The following EMC7 variants were observed in gnomAD, a reference collection of about 807,000 sequenced individuals.
The protein encoded by EMC7 is ER membrane protein complex subunit 7.
A neutral mutation model predicts 24.4 loss-of-function variants in EMC7; 4 were observed. The ratio of observed to expected loss-of-function variants is 0.16; its 90% CI spans 0.08 to 0.38. The LOEUF is 0.38. Among genes scored for constraint, EMC7 ranks in the 10% least tolerant of loss-of-function variants. EMC7 has a pLI of 1.00. For synonymous variants in EMC7, 106 were observed against 112.0 expected (o/e 0.95, Z 0.34); for missense variants, 221 against 300.6 (o/e 0.74, Z 1.96).
chr15:34,095,823 A>G, intron 2 of EMC7, 72 bp downstream of exon 2: 1 of 1,346,532 alleles, frequency 7.4e-7, no homozygotes, highest in Middle Eastern at 2.0e-4. Context: ...TAAACTATTA[A>G]TTCTAAAAGG....
intron 1 of EMC7, among the ~76,000 whole-genome samples, chr15:34,098,622 ATTTTTTT>A (rs34981831): frequency 7.8e-6 from 1 of 128,160 alleles, no homozygotes; most frequent in Non-Finnish European, 1.6e-5. Flanking sequence ...TGCCTGGCTG[ATTTTTTT>A]TTTTTTTTTT....
At chr15:34,094,214 G>C (rs1251165604) in intron 2 of EMC7, among the ~76,000 whole-genome samples, 1 of 141,548 alleles carries the variant, frequency 7.1e-6, no homozygotes, top group Non-Finnish European at 1.5e-5. Context: ...AGACCAGCCT[G>C]GCCAACATGG....
At position 34,101,778 on chromosome 15, in the gene EMC7, A is replaced by G. The variant is rs1188007414; in HGVS notation, c.62T>C (p.Val21Ala). ...AGCCCCGGGCACCTCCGAGCTCTGG[A>G]CATCCCCCGATAGCAGCAGCAGCAG... is the stretch of plus-strand genomic sequence containing the variant. ...VLLLLLLSGD[V>A]QSSEVPGAAA... The change falls in exon 1 of 5, where the codon GTC becomes GCC. Residue 21 changes from valine to alanine, a missense_variant. Val to Ala is a moderately conservative substitution (Grantham distance 64). This residue lies in a region of EMC7 where 156 missense variants were observed against 177.1 expected (regional missense o/e 0.88). Transcript: ENST00000256545. 1.2e-6 allele frequency: 2 copies of G among 1,613,300 alleles called. No individual in the cohort carries two copies. Among genetic ancestry groups the G allele is most frequent in the Non-Finnish European group, 1.7e-6 (2 of 1,179,928 alleles).
chr15:34,090,611 A>G (rs922970872), intron 2 of EMC7, among the ~76,000 whole-genome samples, 156 bp from the exon 3 acceptor site: 4 of 152,328 alleles, frequency 2.6e-5, no homozygotes, highest in African/African-American at 7.2e-5. Context: ...AATCTGACCA[A>G]AATAGCTTTA....
chr15:34,093,823 A>ATATATATTT (rs1190830993), intron 2 of EMC7, among the ~76,000 whole-genome samples: 1 of 48,712 alleles, frequency 2.1e-5, no homozygotes, highest in Non-Finnish European at 3.3e-5. Flanking sequence ...ATATATATAT[A>ATATATATTT]TTTTTTTTTT....
At chr15:34,100,177 C>CA (rs1901152370) in intron 1 of EMC7, among the ~76,000 whole-genome samples, 1 of 152,102 alleles carries the variant, frequency 6.6e-6, no homozygotes, top group Non-Finnish European at 1.5e-5. Flanking sequence ...CCTGTCTCTA[C>CA]AAAAAATTAA....
chr15:34,088,907 G>A (rs76350713), intron 3 of EMC7, among the ~76,000 whole-genome samples: 3,494 of 152,162 alleles, frequency 0.023, 94 homozygotes, highest in African/African-American at 0.059. Flanking sequence ...CCGGGCTGAA[G>A]TGTGGTGGTG....
At chr15:34,086,331 T>A (rs537930604) in intron 4 of EMC7, 1 of 236,384 alleles carries the variant, frequency 4.2e-6, no homozygotes, top group Admixed American at 4.4e-5. Flanking sequence ...AAGTAGGAGA[T>A]GGTGCCACCT....
At chr15:34,087,960 A>C (rs1900914221) in intron 4 of EMC7, 93 bp downstream of exon 4, 1 of 1,080,774 alleles carries the variant, frequency 9.3e-7, no homozygotes, top group Admixed American at 2.6e-5. Flanking sequence ...GTTTGAGGCC[A>C]CTCAAACTGA....
At chr15:34,098,324 T>A (rs1458022146) in intron 1 of EMC7, among the ~76,000 whole-genome samples, 3 of 152,196 alleles carry the variant, frequency 2.0e-5, no homozygotes, top group Non-Finnish European at 4.4e-5. Flanking sequence ...TCCAGGGTAC[T>A]GCACAATCTG....
intron 3 of EMC7, among the ~76,000 whole-genome samples, chr15:34,089,685 G>A (rs1012345763): frequency 4.6e-5 from 7 of 152,182 alleles, no homozygotes; most frequent in African/African-American, 1.4e-4. Context: ...GGCTGGGTGC[G>A]GTGGCTCACG....
intron 1 of EMC7, among the ~76,000 whole-genome samples, chr15:34,097,110 T>C (rs1010974949): frequency 7.2e-6 from 1 of 139,340 alleles, no homozygotes; most frequent in South Asian, 2.5e-4. Flanking sequence ...CTCGGCTCAC[T>C]GCAAGCTCCG....
chr15:34,095,461 A>G (rs1401195073), intron 2 of EMC7, among the ~76,000 whole-genome samples: 1 of 151,986 alleles, frequency 6.6e-6, no homozygotes, highest in Non-Finnish European at 1.5e-5. Context: ...AGATTCCATA[A>G]AGAAAGGACC....
rs572998974 is a variant in EMC7, at chr15:34,084,227, C to T, written c.*107G>A. 11 of 1,369,348 alleles carry T rather than the reference C, an allele frequency of 8.0e-6. No homozygotes were observed. Among genetic ancestry groups the T allele is most frequent in the South Asian group, 2.9e-5 (2 of 69,680 alleles). 84.8% of individuals were successfully genotyped at this position (1,369,348 alleles called of 1,614,324 possible). ...AACATACACAGTTGTAAGAGATCAACGTCGGGATGACTCAAGTTTATAGTA... is the reference window on the plus strand; with the variant it reads ...AACATACACAGTTGTAAGAGATCAATGTCGGGATGACTCAAGTTTATAGTA... On this transcript the variant is annotated 3_prime_UTR_variant, in exon 5 of 5. Coordinates refer to ENST00000256545, the MANE Select transcript of EMC7 (RefSeq NM_020154.3).
intron 4 of EMC7, among the ~76,000 whole-genome samples, chr15:34,086,625 C>G (rs1900893157): frequency 6.6e-6 from 1 of 152,000 alleles, no homozygotes; most frequent in Non-Finnish European, 1.5e-5. Flanking sequence ...GACGGGGTTT[C>G]ACCATGTTAG....
intron 1 of EMC7, among the ~76,000 whole-genome samples, chr15:34,098,600 C>G (rs549292005): frequency 5.3e-5 from 8 of 150,606 alleles, no homozygotes; most frequent in Non-Finnish European, 1.5e-5. Flanking sequence ...GGATTACAGA[C>G]TACCGCCAGT....
chr15:34,090,587 C>T, intron 2 of EMC7, 132 bp from the exon 3 acceptor site: 2 of 1,022,632 alleles, frequency 2.0e-6, no homozygotes, highest in Admixed American at 3.4e-5. Context: ...AAAACCTAAA[C>T]TTTTGATCTT....
chr15:34,092,060 G>A (rs1174565712), intron 2 of EMC7, among the ~76,000 whole-genome samples: 2 of 152,094 alleles, frequency 1.3e-5, no homozygotes, highest in African/African-American at 4.8e-5. Context: ...GAGGTCAGGA[G>A]TTTGAGACCA....
At chr15:34,089,099 G>A (rs1027159154) in intron 3 of EMC7, among the ~76,000 whole-genome samples, 2 of 152,108 alleles carry the variant, frequency 1.3e-5, no homozygotes, top group African/African-American at 2.4e-5. Flanking sequence ...CTTGTGATCC[G>A]CCCACCTCAG....
Sources: allele counts gnomAD v4.1 joint callset (sites outside exome capture counted in the v4.1 genomes callset), GRCh38; gene constraint gnomAD v4.1.1; regional missense constraint gnomAD v4.1.1; transcripts MANE v1.5; gene names NCBI Gene and HGNC (gene_info 2026-07-23, HGNC 2026-07-21).